Variants in PPM1E observed in about 807,000 individuals in gnomAD.
The protein encoded by PPM1E is protein phosphatase 1E.
In PPM1E, 20 loss-of-function variants were observed where a neutral mutation model predicts 65.9. That is an observed-to-expected ratio of 0.30 (90% CI 0.21 to 0.44). PPM1E has a LOEUF of 0.44. Among genes scored for constraint, PPM1E ranks in the 20% least tolerant of loss-of-function variants. The pLI, the probability that PPM1E is intolerant of heterozygous loss-of-function variation, is 1.00. For synonymous variants in PPM1E, 352 were observed against 374.9 expected, an observed-to-expected ratio of 0.94 and a Z score of 0.70; for missense variants, 713 against 953.1, an observed-to-expected ratio of 0.75 and a Z score of 3.32.
chr17:58,958,763 T>C (rs1440626582), intron 2 of PPM1E, among the ~76,000 whole-genome samples: 1 of 151,726 alleles, frequency 6.6e-6, no homozygotes, highest in East Asian at 1.9e-4. Context: ...ATAATTCCAA[T>C]GGTTTTTTTT....
At chr17:58,859,488 A>G (rs755746971) in intron 1 of PPM1E, among the ~76,000 whole-genome samples, 1 of 152,236 alleles carries the variant, frequency 6.6e-6, no homozygotes, top group Non-Finnish European at 1.5e-5. Flanking sequence ...TCAGGAGCTC[A>G]GTCTTCCATT....
intron 1 of PPM1E, among the ~76,000 whole-genome samples, chr17:58,780,398 G>GCCAC (rs2050039381): frequency 6.6e-6 from 1 of 152,180 alleles, no homozygotes; most frequent in African/African-American, 2.4e-5. Flanking sequence ...TACTCAGGAG[G>GCCAC]CTGAGGTGGG....
intron 1 of PPM1E, among the ~76,000 whole-genome samples, chr17:58,796,641 C>T (rs1215773082): frequency 1.3e-5 from 2 of 152,064 alleles, no homozygotes. Flanking sequence ...TTTTATTCTC[C>T]AGCATTTATA....
chr17:58,973,045 T>C, intron 6 of PPM1E, 120 bp downstream of exon 6: 1 of 629,126 alleles, frequency 1.6e-6, no homozygotes, highest in Non-Finnish European at 2.8e-6. Flanking sequence ...TATTATTCTT[T>C]AAAATAATAA....
chr17:58,820,981 T>G (rs1354170747), intron 1 of PPM1E, among the ~76,000 whole-genome samples: 2 of 152,094 alleles, frequency 1.3e-5, no homozygotes, highest in African/African-American at 4.8e-5. Context: ...AATCATGGGC[T>G]TAATTCCAAT....
At chr17:58,972,643 G>A (rs772339319) in intron 5 of PPM1E, among the ~76,000 whole-genome samples, 189 bp from the exon 6 acceptor site, 2 of 152,172 alleles carry the variant, frequency 1.3e-5, no homozygotes, top group African/African-American at 4.8e-5. Flanking sequence ...GAGCCACCGC[G>A]CCCGGCCAGG....
intron 1 of PPM1E, among the ~76,000 whole-genome samples, chr17:58,827,773 G>A (rs1367516374): frequency 1.2e-4 from 18 of 151,116 alleles, no homozygotes; most frequent in African/African-American, 3.6e-4. Flanking sequence ...GTGGTGGCGC[G>A]CGCCTGTAGT....
At chr17:58,919,934 T>G (rs1490315887) in intron 1 of PPM1E, among the ~76,000 whole-genome samples, 1 of 152,120 alleles carries the variant, frequency 6.6e-6, no homozygotes, top group Non-Finnish European at 1.5e-5. Context: ...CAGAATAAAC[T>G]ATGGGGTCAG....
At chr17:58,774,269 A>G (rs1166175759) in intron 1 of PPM1E, among the ~76,000 whole-genome samples, 1 of 152,082 alleles carries the variant, frequency 6.6e-6, no homozygotes, top group East Asian at 1.9e-4. Context: ...ATTTATTTGA[A>G]AGGACAGATG....
At position 58,976,974 on chromosome 17, in the gene PPM1E, C is replaced by G. The variant is rs545714890; in HGVS notation, c.1211-3000C>G. Among the ~76,000 whole-genome samples the G allele has an allele frequency of 2.6e-5, 4 of 152,018 alleles. No individual in the cohort carries two copies. In the East Asian group the frequency reaches 7.7e-4, roughly 29 times the overall value. ...GTAAATTGGTGAAGGACACTGAATC[C>G]CATATTGGATTTTATTTATTATTTA... On this transcript the variant is annotated intron_variant, in intron 6 of 6. Transcript: ENST00000308249.
intron 1 of PPM1E, among the ~76,000 whole-genome samples, chr17:58,835,434 AT>A (rs1031756951): frequency 1.6e-4 from 24 of 151,644 alleles, no homozygotes; most frequent in Admixed American, 1.1e-3. Context: ...CCGAATTTTA[AT>A]TTTTTTTTAG....
At chr17:58,910,355 T>G (rs569154466) in intron 1 of PPM1E, among the ~76,000 whole-genome samples, 1 of 152,308 alleles carries the variant, frequency 6.6e-6, no homozygotes, top group South Asian at 2.1e-4. Context: ...GGCTCTTTCT[T>G]TAGATTTCCA....
intron 1 of PPM1E, among the ~76,000 whole-genome samples, chr17:58,809,207 T>A (rs186107169): frequency 1.8e-4 from 27 of 152,204 alleles, no homozygotes; most frequent in African/African-American, 6.3e-4. Context: ...TGCTTCAGCT[T>A]CCTGAGTAGC....
chr17:58,862,398 G>C (rs937314681), intron 1 of PPM1E, among the ~76,000 whole-genome samples: 2 of 152,194 alleles, frequency 1.3e-5, no homozygotes, highest in East Asian at 3.8e-4. Context: ...CTGGTAAGAT[G>C]AGTACCCCTG....
intron 1 of PPM1E, among the ~76,000 whole-genome samples, chr17:58,852,081 G>T (rs374698479): frequency 6.6e-5 from 10 of 152,338 alleles, no homozygotes; most frequent in South Asian, 2.1e-4. Context: ...CTCCAAGCCA[G>T]GCATGGGATA....
chr17:58,853,420 A>G (rs1460013804), intron 1 of PPM1E, among the ~76,000 whole-genome samples: 1 of 152,174 alleles, frequency 6.6e-6, no homozygotes, highest in Non-Finnish European at 1.5e-5. Flanking sequence ...TTTACCATAT[A>G]TGCAAGGATG....
chr17:58,810,300 G>C (rs890085969), intron 1 of PPM1E, among the ~76,000 whole-genome samples: 1 of 151,972 alleles, frequency 6.6e-6, no homozygotes, highest in African/African-American at 2.4e-5. Flanking sequence ...CTCCGCCTCT[G>C]GGTTCAAGTG....
At chr17:58,891,832 C>CTTTTTTTTTTTT (rs5821250) in intron 1 of PPM1E, among the ~76,000 whole-genome samples, 3 of 85,460 alleles carry the variant, frequency 3.5e-5, no homozygotes, top group East Asian at 3.4e-4. Context: ...TTTTCTTTTT[C>CTTTTTTTTTTTT]TTTTTTTTTT....
At chr17:58,787,189 A>T (rs2050108565) in intron 1 of PPM1E, among the ~76,000 whole-genome samples, 1 of 152,242 alleles carries the variant, frequency 6.6e-6, no homozygotes, top group African/African-American at 2.4e-5. Context: ...GCCCAAAGTC[A>T]TATAACTAGT....
Sources: allele counts gnomAD v4.1 joint callset (sites outside exome capture counted in the v4.1 genomes callset), GRCh38; gene constraint gnomAD v4.1.1; transcripts MANE v1.5; gene names NCBI Gene and HGNC (gene_info 2026-07-23, HGNC 2026-07-21).